AZIN1: variants seen among roughly 807,000 people sequenced by gnomAD.
The protein encoded by AZIN1 is ornithine decarboxylase antizyme inhibitor.
In AZIN1, 12 loss-of-function variants were observed where a neutral mutation model predicts 47.4. That is an observed-to-expected ratio of 0.25 (90% CI 0.16 to 0.41). AZIN1 has a LOEUF of 0.41. Ranked by LOEUF, AZIN1 falls within the 10% of genes least tolerant of loss-of-function variation. The pLI, the probability that AZIN1 is intolerant of heterozygous loss-of-function variation, is 1.00. For missense variants in AZIN1, 410 were observed against 532.4 expected (o/e 0.77, Z 2.26); for synonymous variants, 155 against 176.3 (o/e 0.88, Z 0.96).
At chr8:102,853,916 T>A (rs1437646337) in intron 2 of AZIN1, among the ~76,000 whole-genome samples, 1 of 151,976 alleles carries the variant, frequency 6.6e-6, no homozygotes, top group Non-Finnish European at 1.5e-5. Flanking sequence ...AAAACTGAAA[T>A]TTTCCCCTTT....
intron 5 of AZIN1, among the ~76,000 whole-genome samples, chr8:102,837,535 T>TAG (rs1222532144): frequency 6.6e-6 from 1 of 152,204 alleles, no homozygotes. Context: ...AAGCAAAAAT[T>TAG]ATTCTAAGGT....
intron 4 of AZIN1, 54 bp from the exon 5 acceptor site, chr8:102,838,970 T>C: frequency 1.3e-6 from 2 of 1,491,912 alleles, no homozygotes; most frequent in Non-Finnish European, 1.8e-6. Flanking sequence ...CATATTCTGG[T>C]AATGCTTCCT....
rs1811983144 is a variant in AZIN1 at position 102,838,748 on chromosome 8, C to CATTT, written c.441_444dup (p.Ala149LysfsTer13). 1 of 1,610,386 alleles carries CATTT rather than the reference C, an allele frequency of 6.2e-7. No individual in the cohort carries two copies. The highest frequency in any genetic ancestry group is 1.3e-5 in the African/African-American group (1 of 74,834). On this transcript the variant is annotated frameshift_variant, in exon 5 of 12. Transcript: ENST00000337198. LOFTEE classifies it high-confidence loss of function. ...AGTACTTAATTTTATACTTACTTGG[C>CATTT]ATTTGGGTGATTACGTGCAATTTTC...
Position 102,845,889 on chromosome 8 carries a change from A to T in AZIN1, c.-95-2142T>A, listed in dbSNP as rs141554155. ...TTGCAAACTGTGTCTTTTAAGTAAG[A>T]GGTAAAACGAAACCATTTTTTTTCT... On this transcript the variant is annotated intron_variant, in intron 2 of 11. Transcript: ENST00000337198. Among the ~76,000 whole-genome samples the T allele has an allele frequency of 1.6e-3, 245 of 152,318 alleles. 1 individual carries two copies. Among genetic ancestry groups the T allele is most frequent in the African/African-American group, 5.7e-3 (235 of 41,578 alleles).
chr8:102,837,361 G>A lies in AZIN1; in HGVS notation c.450-971C>T, dbSNP rs974087025. 2.0e-5 allele frequency among the ~76,000 whole-genome samples: 3 copies of A among 152,120 alleles called. No homozygotes were observed. In the South Asian group the frequency reaches 6.2e-4, roughly 32 times the overall value. On this transcript the variant is annotated intron_variant, in intron 5 of 11. Transcript: ENST00000337198. ...ACTGATTAAATTTCTTTAATTTCAG[G>A]AGCTGAGTAATTACAAACTGCTAGA... is the stretch of plus-strand genomic sequence containing the variant.
upstream of AZIN1, chr8:102,864,167 A>G (rs1051775111): frequency 2.2e-5 from 4 of 182,180 alleles, no homozygotes; most frequent in African/African-American, 9.6e-5. Flanking sequence ...AAAGTGTGAG[A>G]AGGCGGCGCC....
At chr8:102,848,935 T>C (rs370058513) in intron 2 of AZIN1, among the ~76,000 whole-genome samples, 21 of 152,276 alleles carry the variant, frequency 1.4e-4, no homozygotes, top group African/African-American at 4.8e-4. Flanking sequence ...GGAGCAAGCA[T>C]GAAAATAAGT....
In AZIN1 at chr8:102,838,822, G is replaced by A; in HGVS notation, c.371C>T (p.Ala124Val). ...CKQVSQIKYA[A>V]KVGVNILTCD... ...TGTCAGGATATTCACTCCAACTTTT[G>A]CTGCATACTTTATCTGAGACACTTG... is the stretch of plus-strand genomic sequence containing the variant. The change falls in exon 5 of 12, where the codon GCA (alanine) becomes GTA (valine). Residue 124 changes from alanine to valine, a missense_variant. Physicochemically the swap from Ala to Val is moderately conservative, Grantham distance 64. Coordinates refer to ENST00000337198, the MANE Select transcript of AZIN1 (RefSeq NM_148174.4). 1 of 1,613,736 alleles carries A rather than the reference G, an allele frequency of 6.2e-7. No individual in the cohort carries two copies. The highest frequency in any genetic ancestry group is 1.1e-5 in the South Asian group (1 of 91,024).
In AZIN1 at chr8:102,828,369, A is replaced by G; in HGVS notation, c.*198T>C. ...AACTGGTAGGTTTAAATCTGGATAC[A>G]TTATCTAAATCTCCCATTATCCCCA... On this transcript the variant is annotated 3_prime_UTR_variant, in exon 12 of 12. Transcript: ENST00000337198. 2.3e-6 allele frequency: 1 copy of G among 444,388 alleles called. No homozygotes were observed. Among genetic ancestry groups the G allele is most frequent in the Admixed American group, 3.8e-5 (1 of 26,342 alleles). The allele number at this position is 444,388 out of a possible 1,614,324, so 27.5% of individuals were successfully genotyped here.
intron 2 of AZIN1, among the ~76,000 whole-genome samples, chr8:102,852,759 T>C (rs1301546767): frequency 6.6e-6 from 1 of 152,146 alleles, no homozygotes; most frequent in African/African-American, 2.4e-5. Context: ...AAACAGTGGA[T>C]TAACGAAAAG....
At chr8:102,856,627 C>T (rs535666470) in intron 2 of AZIN1, among the ~76,000 whole-genome samples, 17 of 152,298 alleles carry the variant, frequency 1.1e-4, no homozygotes, top group African/African-American at 3.8e-4. Flanking sequence ...CCTCAAAAGA[C>T]GAAGCTTGTT....
At chr8:102,861,352 C>T (rs1162786509) in intron 1 of AZIN1, among the ~76,000 whole-genome samples, 2 of 151,838 alleles carry the variant, frequency 1.3e-5, no homozygotes, top group Admixed American at 1.3e-4. Context: ...CTCAGCCTCC[C>T]GAGGAGCTGG....
chr8:102,832,462 C>G (rs1203824402), intron 9 of AZIN1, among the ~76,000 whole-genome samples: 2 of 152,134 alleles, frequency 1.3e-5, no homozygotes, highest in South Asian at 2.1e-4. Flanking sequence ...AGTGTGAAAA[C>G]AGAGCCTCCC....
chr8:102,841,805 T>TAAAAAA (rs1269379100), intron 3 of AZIN1, among the ~76,000 whole-genome samples: 3 of 114,432 alleles, frequency 2.6e-5, no homozygotes, highest in East Asian at 2.5e-4. Context: ...TATATATATA[T>TAAAAAA]AAAAAAAAAA....
intron 5 of AZIN1, chr8:102,836,641 A>G (rs891425280): frequency 2.4e-6 from 1 of 420,418 alleles, no homozygotes; most frequent in Non-Finnish European, 4.2e-6. Context: ...TGTAGCATCA[A>G]GAGTTGGTTG....
intron 7 of AZIN1, 73 bp from the exon 8 acceptor site, chr8:102,834,336 T>TC (rs1811678223): frequency 3.2e-6 from 4 of 1,257,414 alleles, no homozygotes; most frequent in Non-Finnish European, 4.5e-6. Flanking sequence ...AAAAACCCCC[T>TC]CCTAGGGAGG....
rs1275977262 is a variant in AZIN1, at chr8:102,864,048, G to T, written c.-475C>A. ...AAAGGCGCGGGCTGGGTGGGAAGAGGATTCGGACTCGTCACACTGCAGAGC... is the reference window on the plus strand; with the variant it reads ...AAAGGCGCGGGCTGGGTGGGAAGAGTATTCGGACTCGTCACACTGCAGAGC... On this transcript the variant is annotated 5_prime_UTR_variant, in exon 1 of 12. Transcript: ENST00000337198. 1 of 157,924 alleles carries T rather than the reference G, an allele frequency of 6.3e-6. No homozygotes were observed. Among genetic ancestry groups the T allele is most frequent in the East Asian group, 1.9e-4 (1 of 5,218 alleles). 9.8% of individuals were successfully genotyped at this position (157,924 alleles called of 1,614,324 possible).
At chr8:102,856,345 C>A (rs1318932296) in intron 2 of AZIN1, among the ~76,000 whole-genome samples, 3 of 152,156 alleles carry the variant, frequency 2.0e-5, no homozygotes, top group Non-Finnish European at 4.4e-5. Flanking sequence ...ATTCTGACTG[C>A]CAGAACCTGC....
chr8:102,838,087 C>T (rs1292541708), intron 5 of AZIN1, among the ~76,000 whole-genome samples: 2 of 152,026 alleles, frequency 1.3e-5, no homozygotes, highest in Non-Finnish European at 2.9e-5. Flanking sequence ...GCGCAGGCCA[C>T]CTTGACCTTA....
Sources: allele counts gnomAD v4.1 joint callset (sites outside exome capture counted in the v4.1 genomes callset), GRCh38; gene constraint gnomAD v4.1.1; transcripts MANE v1.5; gene names NCBI Gene and HGNC (gene_info 2026-07-23, HGNC 2026-07-21).